The following GRM5 variants were observed in gnomAD, a reference collection of about 807,000 sequenced individuals.
GRM5 encodes the protein metabotropic glutamate receptor 5.
A neutral mutation model predicts 83.1 loss-of-function variants in GRM5; 19 were observed. The ratio of observed to expected loss-of-function variants is 0.23; its 90% CI spans 0.16 to 0.34. The LOEUF (loss-of-function observed/expected upper bound fraction) is 0.34, where lower values mean the gene tolerates loss of function less well. GRM5 is among the 10% of genes least tolerant of loss of function. GRM5 has a pLI of 1.00. For synonymous variants in GRM5, 675 were observed against 633.6 expected, an observed-to-expected ratio of 1.07 and a Z score of -0.98; for missense variants, 1,160 against 1,588.3, an observed-to-expected ratio of 0.73 and a Z score of 4.58.
At chr11:88,841,362 T>A (rs1944196985) in intron 3 of GRM5, among the ~76,000 whole-genome samples, 1 of 152,212 alleles carries the variant, frequency 6.6e-6, no homozygotes, top group Non-Finnish European at 1.5e-5. Flanking sequence ...AAACCATCCT[T>A]TGCTAACACT....
chr11:88,735,640 A>G (rs2135410986), intron 3 of GRM5, among the ~76,000 whole-genome samples: 1 of 152,208 alleles, frequency 6.6e-6, no homozygotes, highest in East Asian at 1.9e-4. Context: ...GGGTGTACCT[A>G]GGAACAATGC....
intron 2 of GRM5, among the ~76,000 whole-genome samples, chr11:88,857,060 A>G (rs1485552800): frequency 6.6e-6 from 1 of 152,044 alleles, no homozygotes; most frequent in Non-Finnish European, 1.5e-5. Context: ...AATTTCCTCC[A>G]TTTTTGATTG....
chr11:88,714,509 A>G (rs145823357), intron 3 of GRM5, among the ~76,000 whole-genome samples: 247 of 152,146 alleles, frequency 1.6e-3, no homozygotes, highest in African/African-American at 5.5e-3. Context: ...TAAAGCATAT[A>G]TCATAGTTTA....
At chr11:88,785,340 G>A (rs887212961) in intron 3 of GRM5, among the ~76,000 whole-genome samples, 1 of 152,052 alleles carries the variant, frequency 6.6e-6, no homozygotes, top group Non-Finnish European at 1.5e-5. Context: ...AATGTAGTGG[G>A]CATGATCTTC....
intron 4 of GRM5, among the ~76,000 whole-genome samples, chr11:88,622,107 CAAT>C (rs1938654845): frequency 6.6e-6 from 1 of 151,912 alleles, no homozygotes; most frequent in African/African-American, 2.4e-5. Context: ...TCAACCATGG[CAAT>C]AATTATTTTC....
chr11:88,510,709 T>G (rs1941344034), intron 9 of GRM5, among the ~76,000 whole-genome samples: 1 of 152,116 alleles, frequency 6.6e-6, no homozygotes, highest in Admixed American at 6.5e-5. Context: ...AGATACGGGG[T>G]TTCACCATGT....
chr11:89,006,056 G>C (rs562136448), intron 2 of GRM5, among the ~76,000 whole-genome samples: 1 of 152,132 alleles, frequency 6.6e-6, no homozygotes, highest in Non-Finnish European at 1.5e-5. Flanking sequence ...CAATGGAAGC[G>C]TATTTCAAGT....
At chr11:88,755,728 C>A (rs181969067) in intron 3 of GRM5, among the ~76,000 whole-genome samples, 1 of 152,200 alleles carries the variant, frequency 6.6e-6, no homozygotes, top group South Asian at 2.1e-4. Flanking sequence ...TACCAGGACC[C>A]ATTTGCCTCC....
chr11:88,969,703 T>C (rs796527796), intron 2 of GRM5, among the ~76,000 whole-genome samples: 19 of 152,210 alleles, frequency 1.2e-4, no homozygotes, highest in Middle Eastern at 3.4e-3. Flanking sequence ...GCTTTAGACA[T>C]GAGACCATCA....
chr11:88,712,137 A>G (rs977001334), intron 3 of GRM5, among the ~76,000 whole-genome samples: 1 of 152,084 alleles, frequency 6.6e-6, no homozygotes, highest in Non-Finnish European at 1.5e-5. Context: ...CTTGTCTTGT[A>G]TAACTAATTC....
At chr11:88,516,909 TCTTTC>T (rs1400173674) in intron 9 of GRM5, among the ~76,000 whole-genome samples, 5 of 152,212 alleles carry the variant, frequency 3.3e-5, no homozygotes, top group African/African-American at 1.2e-4. Context: ...ACAATAGAAA[TCTTTC>T]CTTTCTCTGG....
chr11:88,680,153 C>T (rs1244335959), intron 3 of GRM5, among the ~76,000 whole-genome samples: 2 of 152,128 alleles, frequency 1.3e-5, no homozygotes, highest in Non-Finnish European at 2.9e-5. Context: ...CACATGAATA[C>T]ATGTGCCATG....
chr11:88,693,519 C>T (rs181851069), intron 3 of GRM5, among the ~76,000 whole-genome samples: 9 of 152,188 alleles, frequency 5.9e-5, no homozygotes, highest in South Asian at 4.1e-4. Context: ...CCATAAATAC[C>T]GATGACACTA....
At chr11:89,021,956 A>G (rs982584457) in intron 2 of GRM5, among the ~76,000 whole-genome samples, 2 of 152,200 alleles carry the variant, frequency 1.3e-5, no homozygotes, top group African/African-American at 4.8e-5. Flanking sequence ...CAGACAATAA[A>G]CAAGAGAATG....
chr11:88,990,995 G>C (rs1056493875), intron 2 of GRM5, among the ~76,000 whole-genome samples: 2 of 152,160 alleles, frequency 1.3e-5, no homozygotes, highest in Non-Finnish European at 2.9e-5. Context: ...TCAACATAGT[G>C]TTGGAAATTC....
intron 2 of GRM5, among the ~76,000 whole-genome samples, chr11:88,954,103 C>A (rs1428616600): frequency 6.6e-6 from 1 of 152,184 alleles, no homozygotes; most frequent in Non-Finnish European, 1.5e-5. Context: ...ATATTCTGGT[C>A]ATTTCTTAGC....
chr11:89,064,952 T>G lies in GRM5; in HGVS notation c.-201+824A>C, dbSNP rs201634619. ...AGAGAGAGAGAGAGGGAGAGAGAGA[T>G]ATTATTTTTGCCAAAGTTCCATAAA... On this transcript the variant is annotated intron_variant, in intron 1 of 9. Transcript: ENST00000305447. 8.8e-3 allele frequency among the ~76,000 whole-genome samples: 713 copies of G among 80,890 alleles called. 1 individual carries two copies. Among genetic ancestry groups the G allele is most frequent in the African/African-American group, 0.015 (330 of 22,106 alleles). The allele number at this position is 80,890 out of a possible 152,430, so 53.1% of individuals were successfully genotyped here.
intron 3 of GRM5, among the ~76,000 whole-genome samples, chr11:88,746,497 T>A (rs1455841660): frequency 2.0e-5 from 3 of 151,886 alleles, no homozygotes; most frequent in African/African-American, 7.3e-5. Flanking sequence ...ATTCCTATAC[T>A]GGAGACTATA....
intron 3 of GRM5, among the ~76,000 whole-genome samples, chr11:88,661,965 T>A (rs1939919407): frequency 6.6e-6 from 1 of 152,178 alleles, no homozygotes; most frequent in Admixed American, 6.6e-5. Flanking sequence ...AATCAACTTA[T>A]TTCTGAGGTG....
Sources: gnomAD v4.1 joint callset for allele counts (sites outside exome capture counted in the v4.1 genomes callset) on GRCh38, gnomAD v4.1.1 for gene constraint, MANE v1.5 for transcripts, NCBI Gene and HGNC (gene_info 2026-07-23, HGNC 2026-07-21) for gene names.